Variants in FSTL5 observed in about 807,000 individuals in gnomAD.
FSTL5 encodes the protein follistatin-related protein 5.
FSTL5 carries 62 observed loss-of-function variants against 89.1 expected under a neutral mutation model. That is an observed-to-expected ratio of 0.70 (90% confidence interval 0.57 to 0.86). The LOEUF is 0.86. Among genes scored for constraint, FSTL5 ranks in the 40% least tolerant of loss-of-function variants. The pLI, the probability that FSTL5 is intolerant of heterozygous loss-of-function variation, is 0.00. For missense variants in FSTL5, 1,057 were observed against 1,001.6 expected (o/e 1.06, Z -0.75); for synonymous variants, 383 against 346.2 (o/e 1.11, Z -1.18).
chr4:161,429,161 T>C (rs998108461), intron 15 of FSTL5, among the ~76,000 whole-genome samples: 1 of 151,902 alleles, frequency 6.6e-6, no homozygotes. Context: ...CTTTTTTGTG[T>C]GTGTGTGTGG....
At chr4:161,871,840 C>A (rs1732272155) in intron 4 of FSTL5, among the ~76,000 whole-genome samples, 1 of 152,058 alleles carries the variant, frequency 6.6e-6, no homozygotes. Context: ...TACCATACCT[C>A]AAGGTAGATA....
At chr4:161,873,254 A>AC in intron 4 of FSTL5, among the ~76,000 whole-genome samples, 1 of 152,188 alleles carries the variant, frequency 6.6e-6, no homozygotes, top group East Asian at 1.9e-4. Context: ...AAAAGGATAG[A>AC]ATAGTTGCTT....
chr4:161,697,960 T>C (rs1380558379), intron 6 of FSTL5, among the ~76,000 whole-genome samples: 1 of 151,074 alleles, frequency 6.6e-6, no homozygotes, highest in Non-Finnish European at 1.5e-5. Context: ...TGTGTGTGTA[T>C]GTGTGTGTGT....
At chr4:161,453,144 T>C (rs1733230622) in intron 15 of FSTL5, among the ~76,000 whole-genome samples, 1 of 152,156 alleles carries the variant, frequency 6.6e-6, no homozygotes, top group Non-Finnish European at 1.5e-5. Context: ...TATTATAGGG[T>C]GAAACCACTC....
At chr4:161,563,455 G>A (rs546184199) in intron 8 of FSTL5, among the ~76,000 whole-genome samples, 5 of 151,850 alleles carry the variant, frequency 3.3e-5, no homozygotes, top group African/African-American at 7.3e-5. Flanking sequence ...CTGACCATCC[G>A]TTATTTTCCT....
In FSTL5 at chr4:161,566,154, A is replaced by G. The variant is rs1200654477; in HGVS notation, c.1015+21301T>C. Among the ~76,000 whole-genome samples, 6 of 136,750 alleles carry G rather than the reference A, an allele frequency of 4.4e-5. No homozygotes were observed. In the Admixed American group the frequency reaches 4.6e-4, roughly 10 times the overall value. 89.7% of individuals were successfully genotyped at this position (136,750 alleles called of 152,430 possible). A position where few individuals can be genotyped will look rare whatever the true frequency, so the allele number is the denominator to read the frequency against. ...TATATATACACACACACACACACAC[A>G]CCGTGGAATGCTCCTCAGCCATTAA... On this transcript the variant is annotated intron_variant, in intron 8 of 15. Transcript: ENST00000306100.
At chr4:161,494,208 C>T (rs1257880887) in intron 12 of FSTL5, among the ~76,000 whole-genome samples, 1 of 152,006 alleles carries the variant, frequency 6.6e-6, no homozygotes. Flanking sequence ...CACTGTATAA[C>T]TCTCTGTAAG....
intron 3 of FSTL5, among the ~76,000 whole-genome samples, chr4:162,028,778 A>G: frequency 6.6e-6 from 1 of 152,166 alleles, no homozygotes; most frequent in Non-Finnish European, 1.5e-5. Flanking sequence ...TTTCAGTTTT[A>G]CAGGACATTT....
chr4:161,777,260 T>TATATATAC lies in FSTL5; in HGVS notation c.410-1187_410-1186insGTATATAT, dbSNP rs138402425. 6.5e-4 allele frequency among the ~76,000 whole-genome samples: 97 copies of TATATATAC among 149,526 alleles called. 2 individuals carry two copies. The highest frequency in any genetic ancestry group is 3.6e-3 in the Middle Eastern group (1 of 280). ...TTCATTGTGTATATATATATATATATACACACACCATATTTTCCTTATCCA... is the reference window on the plus strand; with the variant it reads ...TTCATTGTGTATATATATATATATATATATATACACACACACCATATTTTCCTTATCCA... On this transcript the variant is annotated intron_variant, in intron 4 of 15. Coordinates refer to ENST00000306100, the MANE Select transcript of FSTL5 (RefSeq NM_020116.5).
At chr4:161,984,968 T>A (rs945364903) in intron 3 of FSTL5, among the ~76,000 whole-genome samples, 1 of 152,010 alleles carries the variant, frequency 6.6e-6, no homozygotes, top group African/African-American at 2.4e-5. Context: ...ACTTTTTTTT[T>A]TTTTTTAAGA....
At position 161,851,942 on chromosome 4, in the gene FSTL5, C is replaced by T. The variant is rs1414215960; in HGVS notation, c.409+68462G>A. Among the ~76,000 whole-genome samples the T allele has an allele frequency of 4.6e-5, 7 of 151,756 alleles. No homozygotes were observed. In the East Asian group the frequency reaches 1.4e-3, roughly 29 times the overall value. ...ACACACAAGTAAACACATTTTATCA[C>T]ATTTAATTTAATTGCATTTTGATTT... On this transcript the variant is annotated intron_variant, in intron 4 of 15. Transcript: ENST00000306100.
At chr4:162,019,793 T>C (rs1272104947) in intron 3 of FSTL5, among the ~76,000 whole-genome samples, 1 of 150,330 alleles carries the variant, frequency 6.7e-6, no homozygotes. Flanking sequence ...TGTGTGTGTA[T>C]GTGTGTGTTA....
intron 2 of FSTL5, among the ~76,000 whole-genome samples, chr4:162,107,137 T>C (rs1347802692): frequency 1.3e-5 from 2 of 152,184 alleles, no homozygotes; most frequent in African/African-American, 4.8e-5. Context: ...GGAAATACAT[T>C]GCATACAGGC....
intron 2 of FSTL5, 130 bp from the exon 3 acceptor site, chr4:162,033,788 TA>T (rs1737628772): frequency 3.7e-6 from 2 of 537,580 alleles, no homozygotes; most frequent in Non-Finnish European, 6.5e-6. Flanking sequence ...TTCTCGCCTT[TA>T]AAAAATATTT....
intron 15 of FSTL5, among the ~76,000 whole-genome samples, chr4:161,395,967 C>T (rs888402570): frequency 1.3e-5 from 2 of 152,046 alleles, no homozygotes; most frequent in Non-Finnish European, 2.9e-5. Context: ...TTGGGTAGTC[C>T]TCTCCCACAC....
chr4:162,003,700 T>C (rs1272400760), intron 3 of FSTL5, among the ~76,000 whole-genome samples: 2 of 152,196 alleles, frequency 1.3e-5, no homozygotes, highest in East Asian at 3.9e-4. Context: ...TGTAAATGTG[T>C]ATGTAAATAT....
In FSTL5 at chr4:161,669,050, T is replaced by A. The variant is rs148672306; in HGVS notation, c.728-12556A>T. On this transcript the variant is annotated intron_variant, in intron 6 of 15. Coordinates refer to ENST00000306100, the MANE Select transcript of FSTL5 (RefSeq NM_020116.5). Reference sequence around the variant, plus strand: ...TTGCTTGAATCCAGGAGGCAGAGGTTGCAGTGAACTGAGATTCCGCCACGG... The same window carrying A: ...TTGCTTGAATCCAGGAGGCAGAGGTAGCAGTGAACTGAGATTCCGCCACGG... Among the ~76,000 whole-genome samples, 41 of 146,392 alleles carry A rather than the reference T, an allele frequency of 2.8e-4. No homozygotes were observed. The East Asian group carries it at 7.6e-3, about 27-fold the overall frequency.
rs116803990 is a variant in FSTL5, at chr4:162,000,303, A to G, written c.160+33322T>C. On this transcript the variant is annotated intron_variant, in intron 3 of 15. Transcript: ENST00000306100. Reference sequence around the variant, plus strand: ...ATATTTATTTAAACTTTTAAGAAATATAACAGGCCAGGTGTGGTGGCTCAC... The same window carrying G: ...ATATTTATTTAAACTTTTAAGAAATGTAACAGGCCAGGTGTGGTGGCTCAC... Among the ~76,000 whole-genome samples the G allele has an allele frequency of 6.4e-3, 978 of 152,298 alleles. 10 individuals are homozygous for G. The highest frequency in any genetic ancestry group is 0.022 in the African/African-American group (931 of 41,568).
chr4:161,745,005 A>G (rs919836019), intron 6 of FSTL5, among the ~76,000 whole-genome samples: 3 of 151,938 alleles, frequency 2.0e-5, no homozygotes, highest in Non-Finnish European at 4.4e-5. Context: ...TCCAGAAGCA[A>G]AAGTGAGTAG....
Sources: allele counts gnomAD v4.1 joint callset (sites outside exome capture counted in the v4.1 genomes callset), GRCh38; gene constraint gnomAD v4.1.1; transcripts MANE v1.5; gene names NCBI Gene and HGNC (gene_info 2026-07-23, HGNC 2026-07-21).